Variants in CNTNAP2 observed in about 807,000 individuals in gnomAD.
CNTNAP2 encodes contactin-associated protein-like 2.
CNTNAP2 carries 98 observed loss-of-function variants against 155.2 expected under a neutral mutation model. The observed-to-expected ratio is 0.63, with a 90% CI of 0.54 to 0.75. The LOEUF is 0.75. Ranked by LOEUF, CNTNAP2 falls within the 30% of genes least tolerant of loss-of-function variation. CNTNAP2 has a pLI of 0.00. For synonymous variants in CNTNAP2, 651 were observed against 631.2 expected, an observed-to-expected ratio of 1.03 and a Z score of -0.47; for missense variants, 1,727 against 1,688.1, an observed-to-expected ratio of 1.02 and a Z score of -0.40.
At chr7:147,766,402 C>A (rs750463100) in intron 13 of CNTNAP2, among the ~76,000 whole-genome samples, 3 of 152,084 alleles carry the variant, frequency 2.0e-5, no homozygotes, top group Non-Finnish European at 4.4e-5. Context: ...CTTGTAAAAT[C>A]ATTCCTTTAG....
intron 15 of CNTNAP2, among the ~76,000 whole-genome samples, chr7:147,988,079 C>G (rs1801649415): frequency 6.6e-6 from 1 of 152,132 alleles, no homozygotes; most frequent in South Asian, 2.1e-4. Flanking sequence ...GGCGGGACAA[C>G]TCAAAGCGGA....
At chr7:147,193,349 A>G (rs1215686984) in intron 8 of CNTNAP2, among the ~76,000 whole-genome samples, 1 of 152,198 alleles carries the variant, frequency 6.6e-6, no homozygotes, top group Non-Finnish European at 1.5e-5. Flanking sequence ...CAGGCTGCTA[A>G]TGAAACCTTC....
At chr7:147,011,731 C>T (rs1798629789) in intron 3 of CNTNAP2, among the ~76,000 whole-genome samples, 1 of 152,124 alleles carries the variant, frequency 6.6e-6, no homozygotes, top group Admixed American at 6.6e-5. Context: ...CAAAGCCAGC[C>T]ATACAAGCTA....
chr7:147,626,199 C>G (rs73470927), intron 12 of CNTNAP2, among the ~76,000 whole-genome samples: 1 of 151,932 alleles, frequency 6.6e-6, no homozygotes, highest in South Asian at 2.1e-4. Context: ...GCTGCAGATT[C>G]GAGCACAGGA....
intron 1 of CNTNAP2, among the ~76,000 whole-genome samples, chr7:146,397,936 T>C (rs973668801): frequency 2.5e-4 from 37 of 150,038 alleles, no homozygotes; most frequent in Non-Finnish European, 3.8e-4. Context: ...TGCAGTGGTG[T>C]GATCTTGCTT....
At chr7:147,811,610 A>C (rs1358664211) in intron 13 of CNTNAP2, among the ~76,000 whole-genome samples, 1 of 152,204 alleles carries the variant, frequency 6.6e-6, no homozygotes, top group African/African-American at 2.4e-5. Flanking sequence ...ATTTTATAGC[A>C]AATAAGTATA....
chr7:147,892,264 A>G (rs756369038), intron 13 of CNTNAP2, among the ~76,000 whole-genome samples: 5 of 152,242 alleles, frequency 3.3e-5, no homozygotes, highest in Non-Finnish European at 7.3e-5. Context: ...TTAACATTGA[A>G]CTAAATGGAT....
At chr7:148,016,357 G>T (rs1802176869) in intron 15 of CNTNAP2, among the ~76,000 whole-genome samples, 3 of 152,138 alleles carry the variant, frequency 2.0e-5, no homozygotes. Context: ...GCTTTGATAT[G>T]GCCTTCCCAC....
chr7:148,381,868 TG>T (rs1346650209), intron 21 of CNTNAP2, among the ~76,000 whole-genome samples: 1 of 2,550 alleles, frequency 3.9e-4, no homozygotes, highest in Non-Finnish European at 6.3e-3. Flanking sequence ...TACTGCACAT[TG>T]GCCCCCCCCC....
chr7:147,448,874 T>C (rs1401298024), intron 10 of CNTNAP2, among the ~76,000 whole-genome samples: 1 of 152,190 alleles, frequency 6.6e-6, no homozygotes, highest in East Asian at 1.9e-4. Context: ...TCTATTGTTA[T>C]GTTAATTTCC....
intron 9 of CNTNAP2, among the ~76,000 whole-genome samples, chr7:147,307,596 C>CG (rs1025692741): frequency 3.4e-4 from 51 of 151,808 alleles, no homozygotes; most frequent in African/African-American, 1.1e-3. Flanking sequence ...ACCTGCCCCC[C>CG]CAAAAAAGGA....
chr7:146,335,915 T>C (rs1466309978), intron 1 of CNTNAP2, among the ~76,000 whole-genome samples: 1 of 152,056 alleles, frequency 6.6e-6, no homozygotes, highest in Non-Finnish European at 1.5e-5. Flanking sequence ...AAAGTAAATA[T>C]TGGCCAGGGC....
chr7:148,008,733 G>A lies in CNTNAP2; in HGVS notation c.2383+30744G>A, dbSNP rs73747315. 9.4e-3 allele frequency among the ~76,000 whole-genome samples: 1,428 copies of A among 152,258 alleles called. 18 individuals are homozygous for A. The highest frequency in any genetic ancestry group is 0.033 in the African/African-American group (1,375 of 41,538). On this transcript the variant is annotated intron_variant, in intron 15 of 23. Transcript: ENST00000361727. ...CTGAGTTCCTCTGGCTACAAATCTG[G>A]AGTCTCTGAAACAATGACACATTCA... is the stretch of plus-strand genomic sequence containing the variant.
At chr7:147,153,827 T>C (rs937081599) in intron 8 of CNTNAP2, among the ~76,000 whole-genome samples, 2 of 152,120 alleles carry the variant, frequency 1.3e-5, no homozygotes, top group African/African-American at 4.8e-5. Flanking sequence ...TGCTAAAAGG[T>C]AGATTTTCAA....
intron 1 of CNTNAP2, among the ~76,000 whole-genome samples, chr7:146,348,193 C>T (rs1222543741): frequency 1.3e-5 from 2 of 151,988 alleles, no homozygotes; most frequent in East Asian, 1.9e-4. Context: ...GCCTAGTGGG[C>T]GAGTCACCTG....
At chr7:148,041,975 T>C (rs969795817) in intron 15 of CNTNAP2, among the ~76,000 whole-genome samples, 5 of 152,244 alleles carry the variant, frequency 3.3e-5, no homozygotes, top group African/African-American at 1.2e-4. Flanking sequence ...AATGCATTCA[T>C]GCATTACACC....
At chr7:146,945,910 A>G (rs913208395) in intron 3 of CNTNAP2, among the ~76,000 whole-genome samples, 2 of 152,034 alleles carry the variant, frequency 1.3e-5, no homozygotes, top group African/African-American at 4.8e-5. Flanking sequence ...ACAACACTAA[A>G]ACTACTTCGC....
intron 20 of CNTNAP2, among the ~76,000 whole-genome samples, chr7:148,263,791 C>T (rs1183037168): frequency 6.6e-6 from 1 of 151,150 alleles, no homozygotes; most frequent in Admixed American, 6.6e-5. Context: ...TAAAATTTAG[C>T]ATTTTTGGTT....
At chr7:146,318,258 CTGTTT>C (rs1800943857) in intron 1 of CNTNAP2, among the ~76,000 whole-genome samples, 1 of 151,654 alleles carries the variant, frequency 6.6e-6, no homozygotes, top group African/African-American at 2.4e-5. Flanking sequence ...ACATTTAGTT[CTGTTT>C]TGATTGTTTT....
Sources: gnomAD v4.1 joint callset for allele counts (sites outside exome capture counted in the v4.1 genomes callset) on GRCh38, gnomAD v4.1.1 for gene constraint, MANE v1.5 for transcripts, NCBI Gene and HGNC (gene_info 2026-07-23, HGNC 2026-07-21) for gene names.